The following CEP95 variants were observed in gnomAD, a reference collection of about 807,000 sequenced individuals.
The protein encoded by CEP95 is centrosomal protein 95.
A neutral mutation model predicts 111.2 loss-of-function variants in CEP95; 98 were observed. The observed-to-expected ratio is 0.88, with a 90% CI of 0.75 to 1.04. The LOEUF (loss-of-function observed/expected upper bound fraction) is 1.04. Ranked by LOEUF, CEP95 falls within the 50% of genes least tolerant of loss-of-function variation. The pLI is 0.00. For missense variants in CEP95, 1,027 were observed against 977.2 expected, an observed-to-expected ratio of 1.05 and a Z score of -0.68; for synonymous variants, 323 against 327.1, an observed-to-expected ratio of 0.99 and a Z score of 0.14.
intron 4 of CEP95, chr17:64,515,752 C>T (rs1214503573): frequency 6.6e-6 from 1 of 152,172 alleles, no homozygotes; most frequent in Admixed American, 6.6e-5. Flanking sequence ...GGCAATATTT[C>T]CTAGAGCTGA....
At chr17:64,521,571 C>CT (rs782783691) in intron 7 of CEP95, 44 bp downstream of exon 7, 2 of 1,579,460 alleles carry the variant, frequency 1.3e-6, no homozygotes, top group Admixed American at 3.7e-5. Context: ...GATGATCATT[C>CT]TTGGGGCAAT....
intron 12 of CEP95, 57 bp from the exon 13 acceptor site, chr17:64,530,869 G>A: frequency 1.0e-6 from 1 of 1,000,912 alleles, no homozygotes; most frequent in Non-Finnish European, 1.5e-6. Context: ...CTAAGCCATG[G>A]TGCTGCCCGT....
intron 8 of CEP95, among the ~76,000 whole-genome samples, chr17:64,524,462 C>T (rs1167638506): frequency 1.3e-5 from 2 of 151,966 alleles, no homozygotes; most frequent in Admixed American, 6.5e-5. Context: ...ACACGTGCCA[C>T]CACACCTGGC....
chr17:64,508,460 A>G (rs898478505), intron 1 of CEP95, 132 bp from the exon 2 acceptor site: 2 of 1,175,594 alleles, frequency 1.7e-6, no homozygotes, highest in African/African-American at 3.2e-5. Context: ...TTCTCTAACA[A>G]TCAAATTCCT....
intron 1 of CEP95, chr17:64,507,755 C>G: frequency 1.0e-6 from 1 of 985,620 alleles, no homozygotes; most frequent in Non-Finnish European, 1.2e-6. Flanking sequence ...ATGGAAAATA[C>G]ACTCTCATTC....
chr17:64,528,016 A>G (rs1967995207), intron 11 of CEP95, among the ~76,000 whole-genome samples: 1 of 152,028 alleles, frequency 6.6e-6, no homozygotes, highest in South Asian at 2.1e-4. Flanking sequence ...AGTTTCTGTG[A>G]TATCTCCATC....
chr17:64,533,119 A>G lies in CEP95; in HGVS notation c.1845A>G (p.Ile615Met). The change falls in exon 16 of 20, where the codon ATA becomes ATG. Residue 615 changes from isoleucine (I) to methionine (M), a missense_variant and splice_region_variant. Transcript: ENST00000556440. ...NRSKKKLQDE[I>M]EEALRRHDLL... ...TTAACTTCATGTCCCCCTTCAAGAT[A>G]GAAGAAGCCCTAAGAAGGCATGACC... 1 of 1,605,548 alleles carries G rather than the reference A, an allele frequency of 6.2e-7. No homozygotes were observed. Among genetic ancestry groups the G allele is most frequent in the Non-Finnish European group, 8.5e-7 (1 of 1,177,622 alleles).
rs1377091065 is a variant in CEP95 at position 64,529,313 on chromosome 17, C to T, written c.1332C>T (p.Pro444=). ...RPGLSMRRKP[P]YRSHSLSPSP... ...GACTTTCCATGCGTAGAAAGCCACC[C>T]TACAGATCCCATTCGCTCTCTCCAT... is the stretch of plus-strand genomic sequence containing the variant. Residue 444 remains proline, a synonymous_variant, in exon 12 of 20, where the codon CCC becomes CCT. Transcript: ENST00000556440. The T allele has an allele frequency of 1.2e-6, 2 of 1,613,510 alleles. No homozygotes were observed. The highest frequency in any genetic ancestry group is 2.7e-5 in the African/African-American group (2 of 74,918).
intron 7 of CEP95, among the ~76,000 whole-genome samples, 198 bp downstream of exon 7, chr17:64,521,725 C>T (rs1331011411): frequency 3.3e-5 from 5 of 151,532 alleles, no homozygotes; most frequent in Non-Finnish European, 7.4e-5. Context: ...TTTTTGCATC[C>T]ACTATTTTAT....
At chr17:64,523,161 A>ATT (rs1412768556) in intron 8 of CEP95, among the ~76,000 whole-genome samples, 2 of 152,246 alleles carry the variant, frequency 1.3e-5, no homozygotes, top group Admixed American at 1.3e-4. Flanking sequence ...ACGAATGCAT[A>ATT]TAAAGGGAAA....
rs782459140 is a variant in CEP95 at position 64,507,063 on chromosome 17, C to T, written c.-35C>T. The stretch of plus-strand genomic sequence containing the variant: ...TCCAGGACACCGTCGCCTTCCCGGC[C>T]GCGTCGGAGTCCGGCGGCGACCTGC... On this transcript the variant is annotated 5_prime_UTR_variant, in exon 1 of 20. Coordinates refer to ENST00000556440, the MANE Select transcript of CEP95 (RefSeq NM_138363.3). 4 of 1,550,632 alleles carry T rather than the reference C, an allele frequency of 2.6e-6. No homozygotes were observed. The highest frequency in any genetic ancestry group is 3.4e-4 in the Middle Eastern group (2 of 5,894).
In CEP95 at chr17:64,514,240, G is replaced by A. The variant is rs182722130; in HGVS notation, c.257-8G>A. 8.1e-6 allele frequency: 9 copies of A among 1,112,762 alleles called. No individual in the cohort carries two copies. The Admixed American group carries it at 1.6e-4, about 20-fold the overall frequency. 68.9% of individuals were successfully genotyped at this position (1,112,762 alleles called of 1,614,324 possible). A position where few individuals can be genotyped will look rare whatever the true frequency, so the allele number is the denominator to read the frequency against. On this transcript the variant is annotated splice_region_variant and splice_polypyrimidine_tract_variant and intron_variant, in intron 3 of 19. Coordinates refer to ENST00000556440, the MANE Select transcript of CEP95 (RefSeq NM_138363.3). The stretch of plus-strand genomic sequence containing the variant: ...AAATTTTTTAATAGCTCTATATTCT[G>A]TCTCCAGGAGAAAATATAGTGAAAG...
At position 64,534,555 on chromosome 17, in the gene CEP95, C is replaced by T. The variant is rs782548228; in HGVS notation, c.1918-30C>T. ...AATCTGCATTCCTCTTGTCCTTACC[C>T]TTCTCTTCCCTCCCCTTTCCCTTTC... On this transcript the variant is annotated intron_variant, in intron 16 of 19. Coordinates refer to ENST00000556440, the MANE Select transcript of CEP95 (RefSeq NM_138363.3). 19 of 1,599,736 alleles carry T rather than the reference C, an allele frequency of 1.2e-5. 1 individual carries two copies. Among genetic ancestry groups the T allele is most frequent in the South Asian group, 3.3e-5 (3 of 90,462 alleles).
At chr17:64,507,430 G>C in intron 1 of CEP95, 1 of 1,349,238 alleles carries the variant, frequency 7.4e-7, no homozygotes. Flanking sequence ...GCGTCTAGCC[G>C]CTGTCCGTGT....
At chr17:64,533,582 G>A (rs187605686) in intron 16 of CEP95, among the ~76,000 whole-genome samples, 7 of 152,230 alleles carry the variant, frequency 4.6e-5, no homozygotes, top group Admixed American at 4.6e-4. Context: ...ACTCCAGCCT[G>A]GGTGCCAGAG....
chr17:64,512,082 C>T (rs1168585575), intron 3 of CEP95, among the ~76,000 whole-genome samples: 2 of 152,158 alleles, frequency 1.3e-5, no homozygotes, highest in Admixed American at 6.5e-5. Flanking sequence ...TAAAAGATGA[C>T]TGAATATGCT....
chr17:64,529,489 T>C, intron 12 of CEP95, 62 bp downstream of exon 12: 1 of 1,541,954 alleles, frequency 6.5e-7, no homozygotes, highest in Non-Finnish European at 8.9e-7. Context: ...CTCAGCCAGA[T>C]GCTACCATGA....
At position 64,514,241 on chromosome 17, in the gene CEP95, T is replaced by C. The variant is rs2039032770; in HGVS notation, c.257-7T>C. 2 of 1,133,896 alleles carry C rather than the reference T, an allele frequency of 1.8e-6. No individual in the cohort carries two copies. Among genetic ancestry groups the C allele is most frequent in the Non-Finnish European group, 2.6e-6 (2 of 770,596 alleles). 70.2% of individuals were successfully genotyped at this position (1,133,896 alleles called of 1,614,324 possible). ...AATTTTTTAATAGCTCTATATTCTG[T>C]CTCCAGGAGAAAATATAGTGAAAGG... is the stretch of plus-strand genomic sequence containing the variant. On this transcript the variant is annotated splice_region_variant and splice_polypyrimidine_tract_variant and intron_variant, in intron 3 of 19. Coordinates refer to ENST00000556440, the MANE Select transcript of CEP95 (RefSeq NM_138363.3).
At chr17:64,512,431 A>G (rs1365369161) in intron 3 of CEP95, among the ~76,000 whole-genome samples, 1 of 152,230 alleles carries the variant, frequency 6.6e-6, no homozygotes, top group Non-Finnish European at 1.5e-5. Flanking sequence ...AAAGTATACT[A>G]TACTGTATTC....
Sources: gnomAD v4.1 joint callset for allele counts (sites outside exome capture counted in the v4.1 genomes callset) on GRCh38, gnomAD v4.1.1 for gene constraint, MANE v1.5 for transcripts, NCBI Gene and HGNC (gene_info 2026-07-23, HGNC 2026-07-21) for gene names.